The following SLC35F1 variants were observed in gnomAD, a reference collection of about 807,000 sequenced individuals.
The protein encoded by SLC35F1 is solute carrier family 35 member F1.
A neutral mutation model predicts 48.7 loss-of-function variants in SLC35F1; 14 were observed. That is an observed-to-expected ratio of 0.29 (90% CI 0.19 to 0.45). The LOEUF (loss-of-function observed/expected upper bound fraction) is 0.45, where lower values mean the gene tolerates loss of function less well. Ranked by LOEUF, SLC35F1 falls within the 20% of genes least tolerant of loss-of-function variation. The probability of loss-of-function intolerance (pLI) is 1.00; values close to 1 mark genes in which losing one functional copy is unlikely to be tolerated. For missense variants in SLC35F1, 404 were observed against 500.0 expected (o/e 0.81, Z 1.83); for synonymous variants, 190 against 202.2 (o/e 0.94, Z 0.51).
intron 1 of SLC35F1, among the ~76,000 whole-genome samples, chr6:117,990,151 TA>T (rs971848657): frequency 2.2e-4 from 33 of 152,100 alleles, no homozygotes; most frequent in Non-Finnish European, 3.4e-4. Context: ...ATTTAAAAAT[TA>T]AAAAATATTA....
At chr6:117,990,766 G>T (rs1355642406) in intron 1 of SLC35F1, among the ~76,000 whole-genome samples, 3 of 152,098 alleles carry the variant, frequency 2.0e-5, no homozygotes, top group Admixed American at 1.3e-4. Flanking sequence ...GAGATTAGGG[G>T]TATTAATAGC....
intron 1 of SLC35F1, among the ~76,000 whole-genome samples, chr6:118,135,472 A>G (rs1029916551): frequency 1.3e-5 from 2 of 152,150 alleles, no homozygotes; most frequent in African/African-American, 4.8e-5. Flanking sequence ...GCATGGTGAA[A>G]TCTCCCCTGT....
intron 1 of SLC35F1, among the ~76,000 whole-genome samples, chr6:118,145,758 C>A (rs989551084): frequency 6.6e-6 from 1 of 151,818 alleles, no homozygotes; most frequent in Non-Finnish European, 1.5e-5. Context: ...ATAAAGATAA[C>A]CTCTGCAGTT....
chr6:118,177,319 C>T (rs150610672), intron 2 of SLC35F1, among the ~76,000 whole-genome samples: 25 of 152,196 alleles, frequency 1.6e-4, no homozygotes, highest in African/African-American at 4.8e-4. Flanking sequence ...TTCATCTTTT[C>T]TGAGCAAGCC....
At position 118,186,160 on chromosome 6, in the gene SLC35F1, C is replaced by A. The variant is rs1354308401; in HGVS notation, c.349+31540C>A. 2.0e-5 allele frequency among the ~76,000 whole-genome samples: 3 copies of A among 152,192 alleles called. No individual in the cohort carries two copies. The East Asian group carries it at 5.8e-4, about 29-fold the overall frequency. ...GGGCTGCTGCCTCTACACACACACA[C>A]CCCAACATATACCCTAGCTGTATCT... On this transcript the variant is annotated intron_variant, in intron 2 of 7. Transcript: ENST00000360388.
chr6:118,098,677 C>T (rs1165641049), intron 1 of SLC35F1, among the ~76,000 whole-genome samples: 1 of 152,096 alleles, frequency 6.6e-6, no homozygotes, highest in Admixed American at 6.6e-5. Flanking sequence ...GTATTCTCTC[C>T]AATGTATGTC....
intron 1 of SLC35F1, among the ~76,000 whole-genome samples, chr6:118,099,454 C>G (rs992926431): frequency 1.3e-5 from 2 of 151,968 alleles, no homozygotes; most frequent in Non-Finnish European, 2.9e-5. Flanking sequence ...TTCTTTCTCT[C>G]TCTCCCCACT....
At chr6:118,121,759 G>A (rs1770719950) in intron 1 of SLC35F1, among the ~76,000 whole-genome samples, 1 of 152,012 alleles carries the variant, frequency 6.6e-6, no homozygotes, top group South Asian at 2.1e-4. Flanking sequence ...TTTGTCTTTT[G>A]CTCAGTTGAG....
chr6:118,073,736 A>T (rs555256159), intron 1 of SLC35F1, among the ~76,000 whole-genome samples: 5 of 152,328 alleles, frequency 3.3e-5, no homozygotes, highest in Non-Finnish European at 7.4e-5. Context: ...TGCCATTCAT[A>T]TTTAAATAAT....
At chr6:117,987,339 C>T (rs1776860650) in intron 1 of SLC35F1, among the ~76,000 whole-genome samples, 1 of 150,554 alleles carries the variant, frequency 6.6e-6, no homozygotes, top group South Asian at 2.1e-4. Flanking sequence ...TTTTCTTCCT[C>T]CTCCTCTTAT....
intron 1 of SLC35F1, among the ~76,000 whole-genome samples, chr6:117,996,078 C>A (rs550508063): frequency 6.6e-6 from 1 of 152,206 alleles, no homozygotes; most frequent in Non-Finnish European, 1.5e-5. Context: ...CATTTAATTT[C>A]TTCATATTTT....
chr6:118,004,018 A>C (rs368711918), intron 1 of SLC35F1, among the ~76,000 whole-genome samples: 44 of 152,374 alleles, frequency 2.9e-4, no homozygotes, highest in East Asian at 2.1e-3. Flanking sequence ...ACTCAAATGC[A>C]AAATGCAAGT....
chr6:117,917,041 C>A (rs1394343888), intron 1 of SLC35F1, among the ~76,000 whole-genome samples: 1 of 152,088 alleles, frequency 6.6e-6, no homozygotes, highest in Non-Finnish European at 1.5e-5. Flanking sequence ...TGCAGAGAAT[C>A]AAAGTGGGGT....
chr6:118,063,968 G>A (rs1479438320), intron 1 of SLC35F1, among the ~76,000 whole-genome samples: 1 of 152,172 alleles, frequency 6.6e-6, no homozygotes. Context: ...AACTGTATTA[G>A]TCTGTTTTCA....
chr6:118,254,237 T>C lies in SLC35F1; in HGVS notation c.478-12758T>C, dbSNP rs557524169. On this transcript the variant is annotated intron_variant, in intron 3 of 7. Coordinates refer to ENST00000360388, the MANE Select transcript of SLC35F1 (RefSeq NM_001029858.4). The stretch of plus-strand genomic sequence containing the variant: ...AACAATCCTGGTCACTTAGTAGGCA[T>C]TCAATAAATGTCTTTTGGATGAGTA... Among the ~76,000 whole-genome samples, 4 of 152,288 alleles carry C rather than the reference T, an allele frequency of 2.6e-5. No individual in the cohort carries two copies. The South Asian group carries it at 8.3e-4, about 32-fold the overall frequency.
chr6:118,240,765 G>C (rs145635551), intron 3 of SLC35F1, among the ~76,000 whole-genome samples: 47 of 152,250 alleles, frequency 3.1e-4, no homozygotes, highest in African/African-American at 1.1e-3. Context: ...AGAGATTCAG[G>C]CTAAGCAGAC....
At chr6:118,015,285 G>C (rs1777305484) in intron 1 of SLC35F1, among the ~76,000 whole-genome samples, 1 of 152,058 alleles carries the variant, frequency 6.6e-6, no homozygotes, top group Non-Finnish European at 1.5e-5. Context: ...ATCCTCCGGA[G>C]AGATTGTTTT....
chr6:118,153,423 A>T (rs1297078645), intron 1 of SLC35F1, among the ~76,000 whole-genome samples: 1 of 152,218 alleles, frequency 6.6e-6, no homozygotes, highest in East Asian at 1.9e-4. Flanking sequence ...ATGTACCATT[A>T]TTATGTGTCA....
At chr6:117,959,145 G>A (rs1014105620) in intron 1 of SLC35F1, among the ~76,000 whole-genome samples, 1 of 152,174 alleles carries the variant, frequency 6.6e-6, no homozygotes, top group Non-Finnish European at 1.5e-5. Flanking sequence ...GGGCTGTTAT[G>A]AGATCTATCA....
Sources: gnomAD v4.1 joint callset for allele counts (sites outside exome capture counted in the v4.1 genomes callset) on GRCh38, gnomAD v4.1.1 for gene constraint, MANE v1.5 for transcripts, NCBI Gene and HGNC (gene_info 2026-07-23, HGNC 2026-07-21) for gene names.